The following FAM171A1 variants were observed in gnomAD, a reference collection of about 807,000 sequenced individuals.
FAM171A1 encodes protein FAM171A1.
Under a neutral mutation model 74.9 loss-of-function variants are expected in FAM171A1, and 23 were observed. That is an observed-to-expected ratio of 0.31 (90% CI 0.22 to 0.44). The LOEUF (loss-of-function observed/expected upper bound fraction) is 0.44. Ranked by LOEUF, FAM171A1 falls within the 20% of genes least tolerant of loss-of-function variation. FAM171A1 has a pLI of 1.00. For missense variants in FAM171A1, 1,162 were observed against 1,159.2 expected (o/e 1.00, Z -0.03); for synonymous variants, 527 against 505.7 (o/e 1.04, Z -0.57).
chr10:15,292,366 C>T (rs1180515689), intron 1 of FAM171A1, among the ~76,000 whole-genome samples: 1 of 152,274 alleles, frequency 6.6e-6, no homozygotes, highest in East Asian at 1.9e-4. Flanking sequence ...CAAATAGTGT[C>T]ATCTTTCTGC....
chr10:15,270,819 A>T (rs558806478), intron 3 of FAM171A1, among the ~76,000 whole-genome samples: 108 of 152,330 alleles, frequency 7.1e-4, no homozygotes, highest in African/African-American at 2.5e-3. Context: ...GAGGGTCCTG[A>T]CTGTTAGAAG....
intron 1 of FAM171A1, among the ~76,000 whole-genome samples, chr10:15,310,046 T>C (rs1046297315): frequency 6.6e-6 from 1 of 152,158 alleles, no homozygotes; most frequent in South Asian, 2.1e-4. Flanking sequence ...ACTAAAAAAG[T>C]TGGGCTTAAG....
At chr10:15,253,556 T>C (rs1363716406) in intron 4 of FAM171A1, among the ~76,000 whole-genome samples, 4 of 152,218 alleles carry the variant, frequency 2.6e-5, no homozygotes, top group African/African-American at 7.2e-5. Context: ...GTTGCCTTTA[T>C]GTATAACCAG....
In FAM171A1 at chr10:15,283,912, T is replaced by A. The variant is rs1339216262; in HGVS notation, c.291A>T (p.Pro97=). The A allele has an allele frequency of 6.2e-7, 1 of 1,614,186 alleles. No individual in the cohort carries two copies. Among genetic ancestry groups the A allele is most frequent in the Admixed American group, 1.7e-5 (1 of 60,018 alleles). ...GGATTGGCTTCCATGGGGCAGAGTTTGGCACGTAGGCATGCTTCGAGGCGG... is the reference window on the plus strand; with the variant it reads ...GGATTGGCTTCCATGGGGCAGAGTTAGGCACGTAGGCATGCTTCGAGGCGG... ...IVTASKHAYV[P]NSAPWKPIRL... Residue 97 remains proline, a synonymous_variant, in exon 2 of 8, where the codon CCA becomes CCT. Transcript: ENST00000378116.
chr10:15,343,143 T>C (rs944137800), intron 1 of FAM171A1, among the ~76,000 whole-genome samples: 2 of 152,192 alleles, frequency 1.3e-5, no homozygotes, highest in Admixed American at 6.5e-5. Context: ...CTGGGCATCA[T>C]GTTGCTTTAA....
intron 3 of FAM171A1, among the ~76,000 whole-genome samples, chr10:15,272,622 A>G (rs553696179): frequency 6.6e-6 from 1 of 152,296 alleles, no homozygotes; most frequent in African/African-American, 2.4e-5. Context: ...CTTATTCCAA[A>G]ATTGACCACA....
intron 1 of FAM171A1, among the ~76,000 whole-genome samples, chr10:15,329,262 A>G (rs1835597722): frequency 6.6e-6 from 1 of 152,238 alleles, no homozygotes; most frequent in Admixed American, 6.5e-5. Context: ...AGCCGGATGC[A>G]ACAGATGTAG....
At chr10:15,342,639 T>C (rs1243589679) in intron 1 of FAM171A1, among the ~76,000 whole-genome samples, 1 of 152,174 alleles carries the variant, frequency 6.6e-6, no homozygotes, top group Admixed American at 6.6e-5. Flanking sequence ...CCGGTGCTTA[T>C]ACCTAATTGG....
intron 1 of FAM171A1, among the ~76,000 whole-genome samples, chr10:15,369,232 A>ATATT (rs1836103986): frequency 6.6e-6 from 1 of 150,400 alleles, no homozygotes; most frequent in South Asian, 2.1e-4. Flanking sequence ...ATATATATAT[A>ATATT]TTGAAGACAT....
intron 5 of FAM171A1, among the ~76,000 whole-genome samples, chr10:15,231,119 T>C (rs140510221): frequency 1.3e-5 from 2 of 152,350 alleles, no homozygotes; most frequent in African/African-American, 4.8e-5. Flanking sequence ...GGTAGGATGC[T>C]TGCTAAAGAG....
chr10:15,310,730 C>T (rs567087048), intron 1 of FAM171A1, among the ~76,000 whole-genome samples: 4 of 152,020 alleles, frequency 2.6e-5, no homozygotes, highest in South Asian at 2.1e-4. Flanking sequence ...GGCGTGGTGG[C>T]GCGTGCCTGT....
At chr10:15,305,686 A>AAAT (rs1345861098) in intron 1 of FAM171A1, among the ~76,000 whole-genome samples, 1 of 151,452 alleles carries the variant, frequency 6.6e-6, no homozygotes, top group African/African-American at 2.4e-5. Flanking sequence ...AAAAAAAAAA[A>AAAT]AAGATCAGAA....
At chr10:15,326,740 C>T (rs1330628367) in intron 1 of FAM171A1, among the ~76,000 whole-genome samples, 2 of 151,148 alleles carry the variant, frequency 1.3e-5, no homozygotes, top group Non-Finnish European at 3.0e-5. Flanking sequence ...CGATTCTGCT[C>T]CCTCAGCCTC....
At chr10:15,320,431 T>C (rs1835473526) in intron 1 of FAM171A1, among the ~76,000 whole-genome samples, 1 of 152,242 alleles carries the variant, frequency 6.6e-6, no homozygotes, top group Admixed American at 6.5e-5. Context: ...GCGATAAACA[T>C]ATGCGTACAT....
intron 3 of FAM171A1, among the ~76,000 whole-genome samples, chr10:15,258,054 C>T (rs1482517915): frequency 6.6e-6 from 1 of 152,032 alleles, no homozygotes; most frequent in East Asian, 1.9e-4. Flanking sequence ...TCTTTCTTTT[C>T]TCTTTTTCTT....
chr10:15,309,290 C>T (rs534279749), intron 1 of FAM171A1, among the ~76,000 whole-genome samples: 1 of 152,220 alleles, frequency 6.6e-6, no homozygotes, highest in Non-Finnish European at 1.5e-5. Flanking sequence ...CTCACGCAGC[C>T]TCGGCCTCCC....
chr10:15,245,494 C>T (rs11259576), intron 5 of FAM171A1, among the ~76,000 whole-genome samples: 15,417 of 152,286 alleles, frequency 0.1, 894 homozygotes, highest in Middle Eastern at 0.14. Flanking sequence ...TAAAATCAAT[C>T]TCTCCAAATA....
At chr10:15,268,315 C>T (rs967402338) in intron 3 of FAM171A1, among the ~76,000 whole-genome samples, 5 of 152,152 alleles carry the variant, frequency 3.3e-5, no homozygotes, top group Admixed American at 6.5e-5. Context: ...TGGGATAACC[C>T]GTTAAAAACC....
At chr10:15,329,545 G>C (rs758146554) in intron 1 of FAM171A1, among the ~76,000 whole-genome samples, 1 of 151,192 alleles carries the variant, frequency 6.6e-6, no homozygotes, top group South Asian at 2.1e-4. Flanking sequence ...AGGATCCCAT[G>C]AGCCCAGGAA....
Sources: gnomAD v4.1 joint callset for allele counts (sites outside exome capture counted in the v4.1 genomes callset) on GRCh38, gnomAD v4.1.1 for gene constraint, MANE v1.5 for transcripts, NCBI Gene and HGNC (gene_info 2026-07-23, HGNC 2026-07-21) for gene names.